The following SHROOM4 variants were observed in gnomAD, a reference collection of about 807,000 sequenced individuals.
SHROOM4 encodes shroom family member 4.
SHROOM4 carries 17 observed loss-of-function variants against 80.3 expected under a neutral mutation model. That is an observed-to-expected ratio of 0.21 (90% CI 0.14 to 0.32). SHROOM4 has a LOEUF of 0.32. Among genes scored for constraint, SHROOM4 ranks in the 10% least tolerant of loss-of-function variants. SHROOM4 has a pLI of 1.00. For missense variants in SHROOM4, 993 were observed against 1,140.3 expected (o/e 0.87, Z 1.86); for synonymous variants, 400 against 437.5 (o/e 0.91, Z 1.07).
intron 1 of SHROOM4, among the ~76,000 whole-genome samples, chrX:50,811,950 CAAAT>C (rs1417640233): frequency 4.5e-5 from 5 of 110,503 alleles, no homozygotes; most frequent in Admixed American, 3.9e-4. Context: ...TCTACCCTCT[CAAAT>C]AATCCCCCAG....
At chrX:50,650,955 C>A (rs781792084) in intron 2 of SHROOM4, among the ~76,000 whole-genome samples, 1 of 111,731 alleles carries the variant, frequency 9.0e-6, no homozygotes, top group East Asian at 2.8e-4. Flanking sequence ...AATATTAGCA[C>A]TGGGAGCTAT....
intron 1 of SHROOM4, among the ~76,000 whole-genome samples, chrX:50,703,472 C>T (rs1433087011): frequency 8.9e-6 from 1 of 111,828 alleles, no homozygotes; most frequent in Non-Finnish European, 1.9e-5. Context: ...TTTCCTCAGG[C>T]ACCATTACTG....
chrX:50,642,138 G>A (rs1931625710), intron 2 of SHROOM4, among the ~76,000 whole-genome samples: 2 of 112,564 alleles, frequency 1.8e-5, no homozygotes, highest in Non-Finnish European at 3.8e-5. Context: ...GCTCGGAATA[G>A]CCCTAGACTT....
At chrX:50,754,193 C>G (rs1246789220) in intron 1 of SHROOM4, among the ~76,000 whole-genome samples, 3 of 111,733 alleles carry the variant, frequency 2.7e-5, no homozygotes, top group Non-Finnish European at 5.6e-5. Context: ...TGAGAAGCCT[C>G]AGTGTTGGTT....
intron 5 of SHROOM4, 72 bp from the exon 6 acceptor site, chrX:50,608,256 T>C: frequency 1.0e-6 from 1 of 1,003,891 alleles, no homozygotes; most frequent in Non-Finnish European, 1.4e-6. Context: ...GATGACAACA[T>C]TTATATAAAA....
downstream of SHROOM4, among the ~76,000 whole-genome samples, chrX:50,586,317 T>A (rs1485814913): frequency 8.9e-6 from 1 of 111,850 alleles, no homozygotes; most frequent in Non-Finnish European, 1.9e-5. Flanking sequence ...CTGGAAAGAT[T>A]TTTTACTCAT....
rs372593341 is a variant in SHROOM4, at chrX:50,779,155, C to T, written c.117+34747G>A. On this transcript the variant is annotated intron_variant, in intron 1 of 8. Coordinates refer to ENST00000376020, the MANE Select transcript of SHROOM4 (RefSeq NM_020717.5). ...TGCCTGAAATTTAAGTCTCTGGTGT[C>T]TGCATACTCTTATTGAATTCTCACA... is the stretch of plus-strand genomic sequence containing the variant. Among the ~76,000 whole-genome samples the T allele has an allele frequency of 1.2e-4, 13 of 112,072 alleles. No individual in the cohort carries two copies. The East Asian group carries it at 3.7e-3, about 31-fold the overall frequency.
chrX:50,689,589 G>C (rs1250310591), intron 2 of SHROOM4, among the ~76,000 whole-genome samples: 3 of 111,451 alleles, frequency 2.7e-5, no homozygotes, highest in African/African-American at 9.8e-5. Flanking sequence ...TTATGAGTTT[G>C]TTCCCATTAC....
chrX:50,778,884 A>G (rs193029512), intron 1 of SHROOM4, among the ~76,000 whole-genome samples: 40 of 111,754 alleles, frequency 3.6e-4, no homozygotes, highest in African/African-American at 1.3e-3. Flanking sequence ...CCTTAGGCAC[A>G]TTACTTGGCC....
At chrX:50,653,803 T>G (rs1932206239) in intron 2 of SHROOM4, among the ~76,000 whole-genome samples, 2 of 112,162 alleles carry the variant, frequency 1.8e-5, no homozygotes, top group Admixed American at 1.9e-4. Context: ...AGGCCTTTTC[T>G]GCATCTATGG....
chrX:50,708,660 A>C (rs898468111), intron 1 of SHROOM4, among the ~76,000 whole-genome samples: 3 of 112,327 alleles, frequency 2.7e-5, no homozygotes, highest in Non-Finnish European at 5.6e-5. Context: ...ATAAAGCTTT[A>C]GGCTTTGCTG....
chrX:50,722,646 A>ATC (rs371067544), intron 1 of SHROOM4, among the ~76,000 whole-genome samples: 3,936 of 105,476 alleles, frequency 0.037, 189 homozygotes, highest in African/African-American at 0.12. Flanking sequence ...CCTTCCTTTC[A>ATC]TCTCTCTCTC....
chrX:50,751,358 C>A lies in SHROOM4; in HGVS notation c.118-55421G>T, dbSNP rs995801889. 5.4e-5 allele frequency among the ~76,000 whole-genome samples: 6 copies of A among 112,074 alleles called. No homozygotes were observed. In the Admixed American group the frequency reaches 5.7e-4, roughly 11 times the overall value. On this transcript the variant is annotated intron_variant, in intron 1 of 8. Transcript: ENST00000376020. Reference sequence around the variant, plus strand: ...TCCTCAGCTATAGCTCCTGGGGGAACAACAGAGAACTAGTATTTCTTCACC... The same window carrying A: ...TCCTCAGCTATAGCTCCTGGGGGAAAAACAGAGAACTAGTATTTCTTCACC...
At chrX:50,809,354 T>C (rs1235087145) in intron 1 of SHROOM4, among the ~76,000 whole-genome samples, 1 of 112,503 alleles carries the variant, frequency 8.9e-6, no homozygotes, top group Non-Finnish European at 1.9e-5. Flanking sequence ...CCAGATCCTC[T>C]TGAAGTCTCA....
chrX:50,615,298 T>A (rs7888659), intron 5 of SHROOM4, among the ~76,000 whole-genome samples: 43,905 of 109,939 alleles, frequency 0.4, 6,861 homozygotes, highest in African/African-American at 0.54. Context: ...GCCTTTCCTA[T>A]CCTCCCACAC....
chrX:50,738,867 T>C (rs1355602520), intron 1 of SHROOM4, among the ~76,000 whole-genome samples: 1 of 111,475 alleles, frequency 9.0e-6, no homozygotes, highest in Non-Finnish European at 1.9e-5. Flanking sequence ...GAGCCCACAT[T>C]GCCAAGTCAA....
At chrX:50,610,900 A>G (rs782077934) in intron 5 of SHROOM4, among the ~76,000 whole-genome samples, 6 of 111,757 alleles carry the variant, frequency 5.4e-5, no homozygotes, top group Admixed American at 3.8e-4. Context: ...AAAGGTAGAA[A>G]AAAAGTAGAA....
intron 2 of SHROOM4, among the ~76,000 whole-genome samples, chrX:50,650,719 CAACTGTCTGATAT>C (rs1271172854): frequency 1.8e-5 from 2 of 112,044 alleles, no homozygotes; most frequent in Non-Finnish European, 3.8e-5. Flanking sequence ...TTTACCCAGG[CAACTGTCTGATAT>C]AACTGTCTGA....
chrX:50,616,099 C>T (rs1401426083), intron 5 of SHROOM4, among the ~76,000 whole-genome samples: 1 of 112,368 alleles, frequency 8.9e-6, no homozygotes, highest in Non-Finnish European at 1.9e-5. Flanking sequence ...TCATAAAATG[C>T]TGCTTCCTAC....
Sources: gnomAD v4.1 joint callset for allele counts (sites outside exome capture counted in the v4.1 genomes callset) on GRCh38, gnomAD v4.1.1 for gene constraint, MANE v1.5 for transcripts, NCBI Gene and HGNC (gene_info 2026-07-23, HGNC 2026-07-21) for gene names.